The following BCL2L1 variants were observed in gnomAD, a reference collection of about 807,000 sequenced individuals.
BCL2L1 encodes bcl-2-like protein 1.
A neutral mutation model predicts 18.7 loss-of-function variants in BCL2L1; 1 was observed. That is an observed-to-expected ratio of 0.05 (90% CI 0.02 to 0.25). The LOEUF is 0.25. Ranked by LOEUF, BCL2L1 falls within the 10% of genes least tolerant of loss-of-function variation. The pLI, the probability that BCL2L1 is intolerant of heterozygous loss-of-function variation, is 1.00. For synonymous variants in BCL2L1, 103 were observed against 122.7 expected (o/e 0.84, Z 1.06); for missense variants, 207 against 304.9 (o/e 0.68, Z 2.39).
intron 2 of BCL2L1, among the ~76,000 whole-genome samples, chr20:31,691,587 G>A (rs189081814): frequency 1.3e-5 from 2 of 150,886 alleles, no homozygotes; most frequent in Non-Finnish European, 2.9e-5. Flanking sequence ...GTGTGGTGGC[G>A]CCCGGCGAAC....
chr20:31,698,440 T>TG (rs2061219744), intron 2 of BCL2L1, among the ~76,000 whole-genome samples: 1 of 152,066 alleles, frequency 6.6e-6, no homozygotes, highest in African/African-American at 2.4e-5. Flanking sequence ...CTCACTGTAC[T>TG]GCTCAGGCTG....
rs780011539 is a variant in BCL2L1, at chr20:31,721,945, C to G, written c.274G>C (p.Glu92Gln). ...PMAAVKQALR[E>Q]AGDEFELRYR... ...CGCAGTTCAAACTCGTCGCCTGCCT[C>G]CCTCAGCGCTTGCTTTACTGCTGCC... is the stretch of plus-strand genomic sequence containing the variant. The change falls in exon 2 of 3, where the codon GAG becomes CAG. Residue 92 changes from glutamate (E) to glutamine (Q), a missense_variant. Glu to Gln is a conservative substitution (Grantham distance 29, BLOSUM62 2). Coordinates refer to ENST00000307677, the MANE Select transcript of BCL2L1 (RefSeq NM_138578.3). 1.9e-6 allele frequency: 3 copies of G among 1,614,092 alleles called. No individual in the cohort carries two copies. The highest frequency in any genetic ancestry group is 8.5e-7 in the Non-Finnish European group (1 of 1,180,048).
Position 31,665,717 on chromosome 20 carries a change from G to T in BCL2L1, c.*232C>A. The T allele has an allele frequency of 1.7e-6, 1 of 600,856 alleles. No individual in the cohort carries two copies. The highest frequency in any genetic ancestry group is 2.9e-6 in the Non-Finnish European group (1 of 350,150). The allele number at this position is 600,856 out of a possible 1,614,324, so 37.2% of individuals were successfully genotyped here. A position where few individuals can be genotyped will look rare whatever the true frequency, so the allele number is the denominator to read the frequency against. On this transcript the variant is annotated 3_prime_UTR_variant, in exon 3 of 3. Transcript: ENST00000307677. Reference sequence around the variant, plus strand: ...TGCCAGCCTCCTTTGGACAGATTTTGTGGAAATTTTGTGAATTCTGAGGCC... The same window carrying T: ...TGCCAGCCTCCTTTGGACAGATTTTTTGGAAATTTTGTGAATTCTGAGGCC...
intron 2 of BCL2L1, among the ~76,000 whole-genome samples, chr20:31,685,324 C>G (rs867673001): frequency 4.0e-5 from 6 of 151,188 alleles, no homozygotes; most frequent in African/African-American, 1.5e-4. Flanking sequence ...GGCGTGAACC[C>G]AGGAGGCGGA....
intron 2 of BCL2L1, among the ~76,000 whole-genome samples, chr20:31,690,880 G>A (rs566209417): frequency 6.6e-6 from 1 of 152,150 alleles, no homozygotes; most frequent in Non-Finnish European, 1.5e-5. Flanking sequence ...CAGGCACGGT[G>A]GCTCAGGCCT....
At chr20:31,688,607 C>A (rs866930423) in intron 2 of BCL2L1, among the ~76,000 whole-genome samples, 1 of 152,286 alleles carries the variant, frequency 6.6e-6, no homozygotes, top group Non-Finnish European at 1.5e-5. Flanking sequence ...GGCTAACTAA[C>A]CCTATTAAAA....
chr20:31,692,920 AAAT>A (rs2061101519), intron 2 of BCL2L1, among the ~76,000 whole-genome samples: 2 of 151,718 alleles, frequency 1.3e-5, no homozygotes, highest in Admixed American at 1.3e-4. Flanking sequence ...TAAAAAAAAA[AAAT>A]TAGTCAGGTG....
chr20:31,667,687 C>T (rs887787426), intron 2 of BCL2L1, among the ~76,000 whole-genome samples: 1 of 152,028 alleles, frequency 6.6e-6, no homozygotes, highest in Non-Finnish European at 1.5e-5. Context: ...TGACCCCTGC[C>T]GTGGCCCACT....
At chr20:31,723,063 A>G (rs2061663664), upstream of BCL2L1, 1 of 154,114 alleles carries the variant, frequency 6.5e-6, no homozygotes, top group African/African-American at 2.4e-5. Flanking sequence ...GGCGTCCGAA[A>G]CCCTAAAGGG....
intron 2 of BCL2L1, among the ~76,000 whole-genome samples, chr20:31,688,773 C>T (rs1203373761): frequency 6.6e-6 from 1 of 152,194 alleles, no homozygotes; most frequent in Non-Finnish European, 1.5e-5. Flanking sequence ...AAAAATGTGT[C>T]TACCAATGGG....
At chr20:31,680,792 A>T (rs996169227) in intron 2 of BCL2L1, among the ~76,000 whole-genome samples, 1 of 152,254 alleles carries the variant, frequency 6.6e-6, no homozygotes, top group Non-Finnish European at 1.5e-5. Flanking sequence ...TCAAATGGGA[A>T]GAGACAGGCA....
intron 2 of BCL2L1, among the ~76,000 whole-genome samples, chr20:31,701,652 T>C (rs2061279082): frequency 6.6e-6 from 1 of 152,146 alleles, no homozygotes; most frequent in Non-Finnish European, 1.5e-5. Flanking sequence ...GTGGTATATA[T>C]AAAAAATGAT....
At position 31,666,054 on chromosome 20, in the gene BCL2L1, T is replaced by A. The variant is rs200117616; in HGVS notation, c.597A>T (p.Ala199=). 66 of 1,613,984 alleles carry A rather than the reference T, an allele frequency of 4.1e-5. No individual in the cohort carries two copies. Among genetic ancestry groups the A allele is most frequent in the Non-Finnish European group, 5.3e-5 (62 of 1,180,022 alleles). Reference sequence around the variant, plus strand: ...CCTGGCCCTTTCGGCTCTCGGCTGCTGCATTGTTCCCATAGAGTTCCACAA... The same window carrying A: ...CCTGGCCCTTTCGGCTCTCGGCTGCAGCATTGTTCCCATAGAGTTCCACAA... ...DTFVELYGNN[A]AAESRKGQER... is the part of the protein sequence containing the mutation. Residue 199 remains alanine, a synonymous_variant, in exon 3 of 3, where the codon GCA becomes GCT. Transcript: ENST00000307677.
At chr20:31,723,662 G>C (rs1156258607), upstream of BCL2L1, 1 of 985,454 alleles carries the variant, frequency 1.0e-6, no homozygotes, top group Non-Finnish European at 1.2e-6. Context: ...AGCCCAGCCG[G>C]CACGGAAGCG....
chr20:31,665,124 G>A lies in BCL2L1; in HGVS notation c.*825C>T, dbSNP rs116239579. Reference sequence around the variant, plus strand: ...AAGATGCCACAGGCTGCTCTTGTAGGAAGTGAGGCAGCTGAGGCCATAAAC... The same window carrying A: ...AAGATGCCACAGGCTGCTCTTGTAGAAAGTGAGGCAGCTGAGGCCATAAAC... On this transcript the variant is annotated 3_prime_UTR_variant, in exon 3 of 3. Coordinates refer to ENST00000307677, the MANE Select transcript of BCL2L1 (RefSeq NM_138578.3). The A allele has an allele frequency of 4.0e-3, 727 of 180,020 alleles. 10 individuals are homozygous for A. The highest frequency in any genetic ancestry group is 0.016 in the African/African-American group (672 of 42,462). 11.2% of individuals were successfully genotyped at this position (180,020 alleles called of 1,614,324 possible). A position where few individuals can be genotyped will look rare whatever the true frequency, so the allele number is the denominator to read the frequency against.
intron 2 of BCL2L1, among the ~76,000 whole-genome samples, chr20:31,708,964 A>AG (rs1164817108): frequency 6.6e-6 from 1 of 152,206 alleles, no homozygotes; most frequent in African/African-American, 2.4e-5. Context: ...AATAACAACC[A>AG]GGGCAGCTTA....
chr20:31,704,357 C>T (rs530569187), intron 2 of BCL2L1, among the ~76,000 whole-genome samples: 1 of 152,252 alleles, frequency 6.6e-6, no homozygotes, highest in South Asian at 2.1e-4. Flanking sequence ...ACCTCGGCCT[C>T]CCAAAGTGCT....
intron 2 of BCL2L1, among the ~76,000 whole-genome samples, chr20:31,708,025 G>A (rs2061396930): frequency 6.6e-6 from 1 of 152,140 alleles, no homozygotes; most frequent in African/African-American, 2.4e-5. Context: ...GAGAGAGTGG[G>A]GGGCCTCCAG....
chr20:31,720,544 C>T, intron 2 of BCL2L1: 2 of 985,438 alleles, frequency 2.0e-6, no homozygotes, highest in South Asian at 9.4e-5. Context: ...AAGAAGCTTT[C>T]ACCACCATCT....
Sources: gnomAD v4.1 joint callset for allele counts (sites outside exome capture counted in the v4.1 genomes callset) on GRCh38, gnomAD v4.1.1 for gene constraint, MANE v1.5 for transcripts, NCBI Gene and HGNC (gene_info 2026-07-23, HGNC 2026-07-21) for gene names.